Variants in SLC5A1 observed in about 807,000 individuals in gnomAD.
SLC5A1 encodes solute carrier family 5 member 1, also known as sodium/glucose cotransporter 1.
SLC5A1 carries 42 observed loss-of-function variants against 73.5 expected under a neutral mutation model. The ratio of observed to expected loss-of-function variants is 0.57; its 90% CI spans 0.45 to 0.74. The LOEUF (loss-of-function observed/expected upper bound fraction) is 0.74, where lower values mean the gene tolerates loss of function less well. SLC5A1 is among the 30% of genes least tolerant of loss of function. SLC5A1 has a pLI of 0.00. For missense variants in SLC5A1, 634 were observed against 855.4 expected (o/e 0.74, Z 3.23); for synonymous variants, 300 against 317.4 (o/e 0.95, Z 0.58).
chr22:32,099,368 C>T lies in SLC5A1; in HGVS notation c.1449+17C>T. ...AATGAGCCAGTAGGTATCATCTGGG[C>T]ATGTCCAGAAAAGTCATTCTGGCAT... is the stretch of plus-strand genomic sequence containing the variant. On this transcript the variant is annotated intron_variant, in intron 12 of 14. Coordinates refer to ENST00000266088, the MANE Select transcript of SLC5A1 (RefSeq NM_000343.4). The T allele has an allele frequency of 6.2e-7, 1 of 1,607,828 alleles. No individual in the cohort carries two copies. Among genetic ancestry groups the T allele is most frequent in the African/African-American group, 1.3e-5 (1 of 74,804 alleles).
At chr22:32,081,397 T>G (rs1160075935) in intron 5 of SLC5A1, among the ~76,000 whole-genome samples, 3 of 152,264 alleles carry the variant, frequency 2.0e-5, no homozygotes, top group East Asian at 3.9e-4. Flanking sequence ...TTCTCCCCGC[T>G]CCTGGGTGGG....
Position 32,085,032 on chromosome 22 carries a change from A to T in SLC5A1, c.1018A>T (p.Thr340Ser), listed in dbSNP as rs767378500. The change falls in exon 9 of 15, where the codon ACA becomes TCA. Residue 340 changes from threonine to serine, a missense_variant. Coordinates refer to ENST00000266088, the MANE Select transcript of SLC5A1 (RefSeq NM_000343.4). ...MPGMISRILY[T>S]EKIACVVPSE... ...AGGAATGATCAGCCGCATTCTGTAC[A>T]CAGGTAATAACTTCTGCTGGACCCA... is the stretch of plus-strand genomic sequence containing the variant. 6.2e-7 allele frequency: 1 copy of T among 1,614,138 alleles called. No individual in the cohort carries two copies. Among genetic ancestry groups the T allele is most frequent in the Non-Finnish European group, 8.5e-7 (1 of 1,180,022 alleles).
intron 2 of SLC5A1, among the ~76,000 whole-genome samples, chr22:32,054,252 G>A (rs932063640): frequency 6.6e-6 from 1 of 152,198 alleles, no homozygotes. Flanking sequence ...ATCTATTTAT[G>A]TAGTAGTATT....
intron 9 of SLC5A1, among the ~76,000 whole-genome samples, 171 bp downstream of exon 9, chr22:32,085,206 C>G (rs1271589959): frequency 6.6e-6 from 1 of 152,200 alleles, no homozygotes; most frequent in Non-Finnish European, 1.5e-5. Context: ...GTCTCCAACT[C>G]TAACTCCTGG....
intron 1 of SLC5A1, among the ~76,000 whole-genome samples, chr22:32,044,530 T>TTC (rs1569297338): frequency 1.3e-5 from 2 of 150,766 alleles, no homozygotes; most frequent in South Asian, 2.1e-4. Context: ...TTTTTTTTTT[T>TTC]CCAAAGGAAT....
At chr22:32,095,418 C>T (rs1375227892) in intron 11 of SLC5A1, among the ~76,000 whole-genome samples, 2 of 152,144 alleles carry the variant, frequency 1.3e-5, no homozygotes, top group African/African-American at 4.8e-5. Flanking sequence ...TCTTGATGAC[C>T]TGTCTAGTGC....
rs753465331 is a variant in SLC5A1 at position 32,067,012 on chromosome 22, C to G, written c.285C>G (p.Gly95=). Reference sequence around the variant, plus strand: ...TGGCCGGGACTGGGGCAGCTTCAGGCATCGCCATTGGAGGCTTTGAATGGA... The same window carrying G: ...TGGCCGGGACTGGGGCAGCTTCAGGGATCGCCATTGGAGGCTTTGAATGGA... ...VGLAGTGAAS[G]IAIGGFEWNA... Residue 95 remains glycine, a synonymous_variant, in exon 3 of 15, where the codon GGC becomes GGG. Transcript: ENST00000266088. 1 of 1,613,498 alleles carries G rather than the reference C, an allele frequency of 6.2e-7. No homozygotes were observed. The highest frequency in any genetic ancestry group is 1.1e-5 in the South Asian group (1 of 91,060).
intron 2 of SLC5A1, among the ~76,000 whole-genome samples, chr22:32,063,477 A>G (rs1392474493): frequency 1.3e-5 from 2 of 152,200 alleles, no homozygotes; most frequent in African/African-American, 4.8e-5. Context: ...CTTGAGTTGT[A>G]AAGCTCATGC....
chr22:32,066,831 T>C, intron 2 of SLC5A1, 104 bp from the exon 3 acceptor site: 1 of 808,574 alleles, frequency 1.2e-6, no homozygotes, highest in Non-Finnish European at 2.2e-6. Context: ...ACCTCTGCTC[T>C]TTCTTGTCCT....
At chr22:32,081,746 A>G (rs2094000181) in intron 5 of SLC5A1, 120 bp from the exon 6 acceptor site, 1 of 755,434 alleles carries the variant, frequency 1.3e-6, no homozygotes, top group Admixed American at 1.9e-5. Flanking sequence ...TCTTTTTCTC[A>G]TGGAATACGT....
At chr22:32,083,935 G>C (rs1008051444) in intron 7 of SLC5A1, among the ~76,000 whole-genome samples, 3 of 152,210 alleles carry the variant, frequency 2.0e-5, no homozygotes, top group Admixed American at 1.3e-4. Context: ...AGAGGTGGCA[G>C]GTTCTGGATT....
intron 2 of SLC5A1, among the ~76,000 whole-genome samples, chr22:32,065,722 G>T (rs1471085525): frequency 1.3e-5 from 2 of 152,170 alleles, no homozygotes; most frequent in Non-Finnish European, 2.9e-5. Flanking sequence ...TCTCCTCATT[G>T]TCATTCTGAG....
intron 11 of SLC5A1, among the ~76,000 whole-genome samples, chr22:32,097,859 C>T (rs2094028901): frequency 6.6e-6 from 1 of 152,110 alleles, no homozygotes; most frequent in Admixed American, 6.6e-5. Flanking sequence ...ATTTGTTAAA[C>T]ATATATCTAA....
rs112092492 is a variant in SLC5A1, at chr22:32,082,966, A to T, written c.584-108A>T. On this transcript the variant is annotated intron_variant, in intron 6 of 14. Coordinates refer to ENST00000266088, the MANE Select transcript of SLC5A1 (RefSeq NM_000343.4). The stretch of plus-strand genomic sequence containing the variant: ...GAGAGGCAGGCAAACCACTGTGGGG[A>T]TGTTCTCAGAAGGCCAGCAGAAGTA... The T allele has an allele frequency of 1.1e-4, 93 of 885,066 alleles. No homozygotes were observed. The African/African-American group carries it at 1.7e-3, about 16-fold the overall frequency. The allele number at this position is 885,066 out of a possible 1,614,324, so 54.8% of individuals were successfully genotyped here.
intron 7 of SLC5A1, among the ~76,000 whole-genome samples, chr22:32,084,201 T>C (rs919536754): frequency 1.3e-5 from 2 of 152,280 alleles, no homozygotes; most frequent in Non-Finnish European, 2.9e-5. Context: ...GGAGTACTTT[T>C]ACAAGTGATT....
chr22:32,046,280 C>T (rs2093937051), intron 1 of SLC5A1, among the ~76,000 whole-genome samples: 1 of 152,198 alleles, frequency 6.6e-6, no homozygotes, highest in African/African-American at 2.4e-5. Flanking sequence ...CTCCCCAAGA[C>T]ACTTGCCTTT....
Position 32,110,356 on chromosome 22 carries a change from C to T in SLC5A1, c.*143C>T. ...GTGTACATGTGTAATTATAGGCTAG[C>T]TGGAAGAAAACCATTAGTTTGCTGT... On this transcript the variant is annotated 3_prime_UTR_variant, in exon 15 of 15. Transcript: ENST00000266088. 1 of 711,364 alleles carries T rather than the reference C, an allele frequency of 1.4e-6. No individual in the cohort carries two copies. The highest frequency in any genetic ancestry group is 2.7e-5 in the East Asian group (1 of 37,170). 44.1% of individuals were successfully genotyped at this position (711,364 alleles called of 1,614,324 possible).
At chr22:32,053,668 C>G (rs557871285) in intron 2 of SLC5A1, among the ~76,000 whole-genome samples, 1 of 152,102 alleles carries the variant, frequency 6.6e-6, no homozygotes, top group African/African-American at 2.4e-5. Flanking sequence ...CTTCTGTAGA[C>G]AGAAAAAAAA....
At chr22:32,095,083 T>C (rs2094024134) in intron 11 of SLC5A1, among the ~76,000 whole-genome samples, 1 of 152,230 alleles carries the variant, frequency 6.6e-6, no homozygotes, top group Non-Finnish European at 1.5e-5. Context: ...ATTTCCATCT[T>C]GATTTCATTG....
Sources: gnomAD v4.1 joint callset for allele counts (sites outside exome capture counted in the v4.1 genomes callset) on GRCh38, gnomAD v4.1.1 for gene constraint, MANE v1.5 for transcripts, NCBI Gene and HGNC (gene_info 2026-07-23, HGNC 2026-07-21) for gene names.